The following RBM23 variants were observed in gnomAD, a reference collection of about 807,000 sequenced individuals.
RBM23 encodes RNA binding motif protein 23, also known as probable RNA-binding protein 23.
A neutral mutation model predicts 56.2 loss-of-function variants in RBM23; 53 were observed. The observed-to-expected ratio is 0.94, with a 90% CI of 0.76 to 1.19. RBM23 has a LOEUF of 1.19. Ranked by LOEUF, RBM23 falls within the 50% of genes most tolerant of loss-of-function variation. The pLI, the probability that RBM23 is intolerant of heterozygous loss-of-function variation, is 0.00. For missense variants in RBM23, 642 were observed against 590.3 expected (o/e 1.09, Z -0.91); for synonymous variants, 197 against 198.5 (o/e 0.99, Z 0.06).
intron 4 of RBM23, among the ~76,000 whole-genome samples, chr14:22,907,166 T>A (rs942155903): frequency 6.7e-6 from 1 of 148,666 alleles, no homozygotes; most frequent in Non-Finnish European, 1.5e-5. Flanking sequence ...AGAGTGAGAC[T>A]CTGTCTCAAA....
chr14:22,914,854 G>A (rs1174114545), intron 1 of RBM23, among the ~76,000 whole-genome samples: 1 of 151,262 alleles, frequency 6.6e-6, no homozygotes, highest in African/African-American at 2.4e-5. Flanking sequence ...ATGGTGGTGG[G>A]CGCCTGTAGT....
At chr14:22,904,373 T>A in intron 9 of RBM23, 47 bp from the exon 10 acceptor site, 27 of 1,390,058 alleles carry the variant, frequency 1.9e-5, no homozygotes, top group Non-Finnish European at 2.5e-5. Flanking sequence ...CTAGCCCACA[T>A]CTTCAATCTT....
In RBM23 at chr14:22,893,416, C is replaced by T. The variant is rs2040197164; in HGVS notation, c.*8314G>A. 1 of 152,158 alleles carries T rather than the reference C, an allele frequency of 6.6e-6. No homozygotes were observed. The highest frequency in any genetic ancestry group is 2.1e-4 in the South Asian group (1 of 4,828). The allele number at this position is 152,158 out of a possible 1,614,324, so 9.4% of individuals were successfully genotyped here. ...GACACAATTTCTGCCCGTCAAATAGCTTGCAATTAAGCTGGGGAGATGGAT... is the reference window on the plus strand; with the variant it reads ...GACACAATTTCTGCCCGTCAAATAGTTTGCAATTAAGCTGGGGAGATGGAT... On this transcript the variant is annotated 3_prime_UTR_variant, in exon 14 of 14. Coordinates refer to ENST00000359890, the MANE Select transcript of RBM23 (RefSeq NM_001077351.2).
chr14:22,902,467 C>T, intron 10 of RBM23, 85 bp from the exon 11 acceptor site: 1 of 1,490,292 alleles, frequency 6.7e-7, no homozygotes, highest in East Asian at 2.4e-5. Context: ...GTCCTACTAT[C>T]CCAGGAAAAT....
In RBM23 at chr14:22,909,485, GC is replaced by G. The variant is rs1384435433; in HGVS notation, c.176del (p.Ser59ThrfsTer100). The G allele has an allele frequency of 6.2e-7, 1 of 1,612,284 alleles. No individual in the cohort carries two copies. Among genetic ancestry groups the G allele is most frequent in the Non-Finnish European group, 8.5e-7 (1 of 1,179,392 alleles). ...CCATTTCTTCCTCCCACACTCACTT[GC>G]TTGTCTCCCCGATGGTGCTGCTTCC... ...TSGSSTIGET[S>X]KKKRSRSHNK... is the part of the protein sequence containing the mutation. On this transcript the variant is annotated frameshift_variant, in exon 3 of 14. Transcript: ENST00000359890. LOFTEE classifies it high-confidence loss of function.
intron 3 of RBM23, 109 bp downstream of exon 3, chr14:22,909,374 C>T (rs541704484): frequency 1.2e-6 from 1 of 829,182 alleles, no homozygotes; most frequent in Admixed American, 1.8e-5. Flanking sequence ...CCATTACTAA[C>T]AGTCAGCAGT....
At position 22,901,165 on chromosome 14, in the gene RBM23, G is replaced by C. The variant is rs1226462575; in HGVS notation, c.*565C>G. 1 of 157,870 alleles carries C rather than the reference G, an allele frequency of 6.3e-6. No homozygotes were observed. Among genetic ancestry groups the C allele is most frequent in the Admixed American group, 6.2e-5 (1 of 16,250 alleles). 9.8% of individuals were successfully genotyped at this position (157,870 alleles called of 1,614,324 possible). A position where few individuals can be genotyped will look rare whatever the true frequency, so the allele number is the denominator to read the frequency against. ...CTTCCATGCCTCCTAGCAAGATGCT[G>C]AGGCTACAGTAGGTCTGGCCTCAAG... On this transcript the variant is annotated 3_prime_UTR_variant, in exon 14 of 14. Transcript: ENST00000359890.
intron 4 of RBM23, among the ~76,000 whole-genome samples, chr14:22,907,126 G>A (rs1280527792): frequency 1.3e-5 from 2 of 150,440 alleles, no homozygotes; most frequent in Admixed American, 6.6e-5. Context: ...GTGAGCCGAC[G>A]TCGCGCCACT....
chr14:22,908,235 G>C, intron 4 of RBM23, 98 bp downstream of exon 4: 5 of 1,329,310 alleles, frequency 3.8e-6, no homozygotes, highest in Non-Finnish European at 5.1e-6. Flanking sequence ...TGCCCAGGCT[G>C]GTTTTGAACT....
chr14:22,907,827 A>C (rs981257484), intron 4 of RBM23, among the ~76,000 whole-genome samples: 3 of 152,162 alleles, frequency 2.0e-5, no homozygotes, highest in Non-Finnish European at 4.4e-5. Flanking sequence ...CAAGATGTGG[A>C]GGTGAAAGAC....
chr14:22,918,454 G>A (rs537819949), intron 1 of RBM23, among the ~76,000 whole-genome samples: 14 of 152,132 alleles, frequency 9.2e-5, no homozygotes, highest in Non-Finnish European at 2.1e-4. Flanking sequence ...GCGGGAGCCA[G>A]TGTCCCAGGG....
In RBM23 at chr14:22,911,350, TC is replaced by T. The variant is rs774342486; in HGVS notation, c.43del (p.Glu15LysfsTer144). The stretch of plus-strand genomic sequence containing the variant: ...TACCTCTTCTTTTTTATAGGGAGCT[TC>T]CAGCATGGCCTCAATCACTATGTCA... ...DFDIVIEAML[E>X]APYKKEEDEQ... On this transcript the variant is annotated frameshift_variant, in exon 2 of 14. Coordinates refer to ENST00000359890, the MANE Select transcript of RBM23 (RefSeq NM_001077351.2). LOFTEE classifies it high-confidence loss of function. 6.2e-7 allele frequency: 1 copy of T among 1,613,780 alleles called. No homozygotes were observed. Among genetic ancestry groups the T allele is most frequent in the Non-Finnish European group, 8.5e-7 (1 of 1,179,784 alleles).
At chr14:22,914,349 G>A (rs1035019646) in intron 1 of RBM23, among the ~76,000 whole-genome samples, 17 of 144,872 alleles carry the variant, frequency 1.2e-4, no homozygotes, top group South Asian at 4.4e-4. Flanking sequence ...AAAAATAGCC[G>A]GGTGTGGTGG....
chr14:22,911,385 A>C lies in RBM23; in HGVS notation c.9T>G (p.Ser3=). Reference sequence around the variant, plus strand: ...CCTCAATCACTATGTCAAAGTCATCAGATGCCATCCTGTCAGATCTGGGGA... The same window carrying C: ...CCTCAATCACTATGTCAAAGTCATCCGATGCCATCCTGTCAGATCTGGGGA... MA[S]DDFDIVIEAM... The change falls in exon 2 of 14, where the codon TCT becomes TCG. Residue 3 remains serine (S), a synonymous_variant. Transcript: ENST00000359890. The C allele has an allele frequency of 1.2e-6, 2 of 1,613,604 alleles. No homozygotes were observed. Among genetic ancestry groups the C allele is most frequent in the Non-Finnish European group, 1.7e-6 (2 of 1,179,618 alleles).
At chr14:22,909,725 C>A in intron 2 of RBM23, 130 bp from the exon 3 acceptor site, 1 of 680,802 alleles carries the variant, frequency 1.5e-6, no homozygotes, top group East Asian at 2.5e-5. Flanking sequence ...TTTTCAGCAC[C>A]CTTATTTCCT....
At chr14:22,902,985 T>C in intron 10 of RBM23, 5 of 759,082 alleles carry the variant, frequency 6.6e-6, no homozygotes, top group Non-Finnish European at 8.0e-6. Context: ...TTTCACCACG[T>C]TGGTCAGGCT....
Position 22,893,684 on chromosome 14 carries a change from A to C in RBM23, c.*8046T>G, listed in dbSNP as rs1298158436. ...ACAGAGAAGAAACAGTGGGCAGCCC[A>C]CCACATGAGGAAAAGGCCCTTCCTA... On this transcript the variant is annotated 3_prime_UTR_variant, in exon 14 of 14. Transcript: ENST00000359890. 2 of 152,266 alleles carry C rather than the reference A, an allele frequency of 1.3e-5. No homozygotes were observed. Among genetic ancestry groups the C allele is most frequent in the Non-Finnish European group, 2.9e-5 (2 of 68,062 alleles). The allele number at this position is 152,266 out of a possible 1,614,324, so 9.4% of individuals were successfully genotyped here.
chr14:22,907,031 A>G (rs2138988690), intron 4 of RBM23, among the ~76,000 whole-genome samples: 2 of 152,306 alleles, frequency 1.3e-5, no homozygotes, highest in East Asian at 3.9e-4. Context: ...AAAATTAGCC[A>G]GGTGTGGTGG....
chr14:22,917,566 C>CT (rs912530097), intron 1 of RBM23: 1 of 150,914 alleles, frequency 6.6e-6, no homozygotes, highest in African/African-American at 2.4e-5. Context: ...CTTTTTTCTT[C>CT]TTTTTTGTTT....
Sources: gnomAD v4.1 joint callset for allele counts (sites outside exome capture counted in the v4.1 genomes callset) on GRCh38, gnomAD v4.1.1 for gene constraint, MANE v1.5 for transcripts, NCBI Gene and HGNC (gene_info 2026-07-23, HGNC 2026-07-21) for gene names.